SUMF1: variants seen among roughly 807,000 people sequenced by gnomAD.
The protein encoded by SUMF1 is sulfatase modifying factor 1, also known as formylglycine-generating enzyme.
In SUMF1, 48 loss-of-function variants were observed where a neutral mutation model predicts 47.6. The observed-to-expected ratio is 1.01, with a 90% CI of 0.80 to 1.28. The LOEUF (loss-of-function observed/expected upper bound fraction) is 1.28. Ranked by LOEUF, SUMF1 falls within the 50% of genes most tolerant of loss-of-function variation. The pLI is 0.00. For missense variants in SUMF1, 571 were observed against 485.4 expected, an observed-to-expected ratio of 1.18 and a Z score of -1.66; for synonymous variants, 230 against 192.1, an observed-to-expected ratio of 1.20 and a Z score of -1.63.
intron 8 of SUMF1, among the ~76,000 whole-genome samples, chr3:4,245,996 C>A (rs538052760): frequency 3.9e-5 from 6 of 152,182 alleles, no homozygotes; most frequent in Admixed American, 6.5e-5. Flanking sequence ...CAAGCTCCAG[C>A]GTCCCAGGTC....
chr3:4,072,922 T>C (rs1014858277), intron 8 of SUMF1, among the ~76,000 whole-genome samples: 3 of 152,148 alleles, frequency 2.0e-5, no homozygotes, highest in Non-Finnish European at 4.4e-5. Flanking sequence ...CAAGATATTA[T>C]TCAGGAGAAC....
chr3:4,208,262 G>T (rs2587937), intron 8 of SUMF1, among the ~76,000 whole-genome samples: 2 of 151,680 alleles, frequency 1.3e-5, no homozygotes, highest in Admixed American at 1.3e-4. Flanking sequence ...CCACCTAAAG[G>T]GTAAGGAGAG....
chr3:4,287,742 G>A (rs1398192018), intron 8 of SUMF1, among the ~76,000 whole-genome samples: 4 of 152,202 alleles, frequency 2.6e-5, no homozygotes, highest in African/African-American at 7.2e-5. Context: ...AGGTGCCTCA[G>A]TGCAGTTTAG....
chr3:4,358,173 C>A (rs896544532), downstream of SUMF1, among the ~76,000 whole-genome samples: 4 of 151,928 alleles, frequency 2.6e-5, no homozygotes, highest in African/African-American at 9.7e-5. Context: ...CTTCTAATCA[C>A]GTTTACAGCT....
At chr3:4,314,015 T>C (rs1698535382) in intron 8 of SUMF1, 2 of 600,090 alleles carry the variant, frequency 3.3e-6, no homozygotes, top group Admixed American at 6.8e-5. Flanking sequence ...TAAGCAAAAA[T>C]GACAAGTCCT....
Position 4,183,374 on chromosome 3 carries a change from C to T in SUMF1, c.1015-114629G>A, listed in dbSNP as rs138432998. On this transcript the variant is annotated intron_variant and NMD_transcript_variant, in intron 8 of 12. Transcript: ENST00000448413. ...TGTGAATGATGCCTTTAATTATAGT[C>T]CTGATGCTTTAGTTGCTGAGCAGTT... 2.3e-3 allele frequency among the ~76,000 whole-genome samples: 349 copies of T among 152,218 alleles called. 2 individuals carry two copies. The highest frequency in any genetic ancestry group is 3.8e-3 in the Non-Finnish European group (258 of 68,014).
At position 4,399,452 on chromosome 3, in the gene SUMF1, C is replaced by G. The variant is rs552132082; in HGVS notation, c.954+11413G>C. Among the ~76,000 whole-genome samples the G allele has an allele frequency of 1.0e-3, 152 of 152,188 alleles. 3 individuals are homozygous for G. The highest frequency in any genetic ancestry group is 4.7e-3 in the Admixed American group (72 of 15,298). On this transcript the variant is annotated intron_variant, in intron 7 of 8. Transcript: ENST00000272902. ...AAACTCTTTATGAACATGGACTACTCTATGTGAGAAAATGTAAAGAAGAGA... is the reference window on the plus strand; with the variant it reads ...AAACTCTTTATGAACATGGACTACTGTATGTGAGAAAATGTAAAGAAGAGA...
intron 8 of SUMF1, among the ~76,000 whole-genome samples, chr3:4,089,266 T>C (rs1186728096): frequency 6.6e-6 from 1 of 152,152 alleles, no homozygotes; most frequent in Admixed American, 6.5e-5. Flanking sequence ...TAAAATGTAA[T>C]ACTTTCCCTA....
chr3:4,417,022 G>T, intron 6 of SUMF1, 106 bp downstream of exon 6: 1 of 1,014,452 alleles, frequency 9.9e-7, no homozygotes, highest in Non-Finnish European at 1.6e-6. Flanking sequence ...ATACACGAAG[G>T]GAACACCGTG....
intron 8 of SUMF1, chr3:4,303,343 G>T: frequency 6.6e-7 from 1 of 1,525,546 alleles, no homozygotes; most frequent in Non-Finnish European, 8.8e-7. Flanking sequence ...GGACTGTCAG[G>T]GTAGTGGGCG....
chr3:4,309,214 G>GT (rs1053757331), intron 8 of SUMF1, among the ~76,000 whole-genome samples: 2 of 152,162 alleles, frequency 1.3e-5, no homozygotes, highest in African/African-American at 2.4e-5. Context: ...GATTGTAAAT[G>GT]TTTTTTATCA....
At chr3:4,225,501 A>G (rs76219964) in intron 8 of SUMF1, among the ~76,000 whole-genome samples, 4,453 of 152,226 alleles carry the variant, frequency 0.029, 197 homozygotes, top group African/African-American at 0.1. Flanking sequence ...CACAACACAA[A>G]CTTCTCAGCC....
chr3:4,103,847 A>C (rs1273416253), intron 8 of SUMF1, among the ~76,000 whole-genome samples: 2 of 152,156 alleles, frequency 1.3e-5, no homozygotes, highest in Non-Finnish European at 1.5e-5. Flanking sequence ...TAGAAGAATC[A>C]ACCACTGATG....
intron 8 of SUMF1, among the ~76,000 whole-genome samples, chr3:4,099,445 T>C (rs181452326): frequency 3.9e-5 from 6 of 152,236 alleles, no homozygotes; most frequent in African/African-American, 9.6e-5. Flanking sequence ...AAATTAGATA[T>C]AGAAGAAATG....
At position 4,434,977 on chromosome 3, in the gene SUMF1, G is replaced by C. The variant is rs1038188724; in HGVS notation, c.519+14289C>G. Among the ~76,000 whole-genome samples, 3 of 152,270 alleles carry C rather than the reference G, an allele frequency of 2.0e-5. No individual in the cohort carries two copies. The South Asian group carries it at 6.2e-4, about 32-fold the overall frequency. ...CACTTTCACTCTGTTGCCCAGGTTG[G>C]AGTGCAGTGGCGTGATCTCAGCTCA... On this transcript the variant is annotated intron_variant, in intron 3 of 8. Transcript: ENST00000272902.
intron 8 of SUMF1, among the ~76,000 whole-genome samples, chr3:4,092,668 A>T (rs536666170): frequency 6.6e-6 from 1 of 152,262 alleles, no homozygotes; most frequent in East Asian, 1.9e-4. Context: ...AAAAGCAATA[A>T]TTCTTGTTAA....
chr3:4,038,743 C>T (rs1694851075), intron 9 of SUMF1, among the ~76,000 whole-genome samples: 1 of 152,198 alleles, frequency 6.6e-6, no homozygotes, highest in Admixed American at 6.5e-5. Context: ...AGAACCACTG[C>T]TGTGGCAGTG....
intron 8 of SUMF1, among the ~76,000 whole-genome samples, chr3:4,282,755 T>A (rs751115419): frequency 3.3e-5 from 5 of 152,236 alleles, no homozygotes; most frequent in Non-Finnish European, 5.9e-5. Context: ...AGAAGGTATC[T>A]TGTTTTTGTC....
intron 7 of SUMF1, among the ~76,000 whole-genome samples, chr3:4,380,715 G>C (rs17040583): frequency 0.27 from 40,787 of 152,040 alleles, 5,734 homozygotes; most frequent in African/African-American, 0.34. Flanking sequence ...CCATAGACAC[G>C]AAAATATCAA....
Sources: gnomAD v4.1 joint callset for allele counts (sites outside exome capture counted in the v4.1 genomes callset) on GRCh38, gnomAD v4.1.1 for gene constraint, MANE v1.5 for transcripts, NCBI Gene and HGNC (gene_info 2026-07-23, HGNC 2026-07-21) for gene names.